Variants in SH3PXD2B observed in about 807,000 individuals in gnomAD.
The protein encoded by SH3PXD2B is SH3 and PX domains 2B.
In SH3PXD2B, 37 loss-of-function variants were observed where a neutral mutation model predicts 73.1. The ratio of observed to expected loss-of-function variants is 0.51; its 90% CI spans 0.39 to 0.67. SH3PXD2B has a LOEUF of 0.67. SH3PXD2B is among the 30% of genes least tolerant of loss of function. The probability of loss-of-function intolerance (pLI) is 0.00; values close to 1 mark genes in which losing one functional copy is unlikely to be tolerated. For missense variants in SH3PXD2B, 1,053 were observed against 1,197.8 expected, an observed-to-expected ratio of 0.88 and a Z score of 1.78; for synonymous variants, 457 against 480.5, an observed-to-expected ratio of 0.95 and a Z score of 0.64.
Position 172,336,763 on chromosome 5 carries a change from G to C in SH3PXD2B, c.*1606C>G. ...GTAGAATGGGAAGGGGTTCTGCTCT[G>C]CTCTCTTACTCTGGGCTGGGAGCTA... On this transcript the variant is annotated 3_prime_UTR_variant, in exon 13 of 13. Transcript: ENST00000311601. The C allele has an allele frequency of 1.0e-6, 1 of 985,672 alleles. No individual in the cohort carries two copies. Among genetic ancestry groups the C allele is most frequent in the Non-Finnish European group, 1.2e-6 (1 of 830,190 alleles). The allele number at this position is 985,672 out of a possible 1,614,324, so 61.1% of individuals were successfully genotyped here.
chr5:172,440,318 G>T (rs1187460504), intron 1 of SH3PXD2B, among the ~76,000 whole-genome samples: 1 of 152,190 alleles, frequency 6.6e-6, no homozygotes, highest in African/African-American at 2.4e-5. Flanking sequence ...CTGGGTTTCT[G>T]CCACTCCACC....
intron 4 of SH3PXD2B, among the ~76,000 whole-genome samples, chr5:172,382,895 AT>A (rs5873322): frequency 2.1e-3 from 307 of 142,982 alleles, no homozygotes; most frequent in Middle Eastern, 3.6e-3. Context: ...TGCCTGGCTA[AT>A]TTTTTTTTTT....
At chr5:172,393,131 A>G (rs1199778394) in intron 4 of SH3PXD2B, among the ~76,000 whole-genome samples, 2 of 152,228 alleles carry the variant, frequency 1.3e-5, no homozygotes, top group African/African-American at 4.8e-5. Flanking sequence ...CAGGGATTGT[A>G]TTGAATATGT....
intron 2 of SH3PXD2B, among the ~76,000 whole-genome samples, chr5:172,419,016 C>T (rs540315045): frequency 6.6e-6 from 1 of 152,308 alleles, no homozygotes; most frequent in East Asian, 1.9e-4. Flanking sequence ...AGCTAACGCG[C>T]TTACTGAGCC....
chr5:172,429,624 T>G (rs1759184771), intron 1 of SH3PXD2B, among the ~76,000 whole-genome samples: 2 of 145,036 alleles, frequency 1.4e-5, no homozygotes, highest in African/African-American at 2.6e-5. Flanking sequence ...GAAGGGAGGG[T>G]GGGAGGAATT....
chr5:172,407,390 C>A (rs1758585157), intron 2 of SH3PXD2B, among the ~76,000 whole-genome samples: 1 of 152,204 alleles, frequency 6.6e-6, no homozygotes, highest in African/African-American at 2.4e-5. Flanking sequence ...ATTGGCCACT[C>A]TCCAGAGCCT....
At chr5:172,351,615 T>C (rs528593445) in intron 9 of SH3PXD2B, among the ~76,000 whole-genome samples, 1 of 152,232 alleles carries the variant, frequency 6.6e-6, no homozygotes, top group Non-Finnish European at 1.5e-5. Flanking sequence ...GCAAACACTG[T>C]AACTCAGAGT....
intron 12 of SH3PXD2B, among the ~76,000 whole-genome samples, chr5:172,327,921 C>A (rs1756476469): frequency 6.6e-6 from 1 of 151,634 alleles, no homozygotes; most frequent in Non-Finnish European, 1.5e-5. Flanking sequence ...TGCCCAGCTA[C>A]TTTTTGTACT....
chr5:172,346,830 CAAAT>C (rs1279728568), intron 11 of SH3PXD2B, among the ~76,000 whole-genome samples: 2 of 151,744 alleles, frequency 1.3e-5, no homozygotes, highest in East Asian at 3.9e-4. Context: ...CCAATGCAAA[CAAAT>C]AAAAAAAACC....
At chr5:172,389,876 C>T (rs903732867) in intron 4 of SH3PXD2B, among the ~76,000 whole-genome samples, 6 of 152,140 alleles carry the variant, frequency 3.9e-5, no homozygotes, top group African/African-American at 1.2e-4. Context: ...CACACTGCCC[C>T]CTTCTGTTCA....
downstream of SH3PXD2B, among the ~76,000 whole-genome samples, chr5:172,333,108 G>T (rs1162384508): frequency 0.011 from 1 of 94 alleles, no homozygotes; most frequent in African/African-American, 0.056. Context: ...GCGAATTTTT[G>T]TATTTTAGTA....
intron 3 of SH3PXD2B, among the ~76,000 whole-genome samples, chr5:172,400,435 A>G (rs1235160528): frequency 6.6e-6 from 1 of 152,192 alleles, no homozygotes; most frequent in African/African-American, 2.4e-5. Flanking sequence ...TCTACTTTGC[A>G]TAGGAGGTTC....
chr5:172,409,246 G>A (rs1321694187), intron 2 of SH3PXD2B, among the ~76,000 whole-genome samples: 1 of 151,950 alleles, frequency 6.6e-6, no homozygotes, highest in Non-Finnish European at 1.5e-5. Flanking sequence ...GCTGGGCGTG[G>A]TGGCGGGCAC....
rs1361251205 is a variant in SH3PXD2B, at chr5:172,347,308, G to A, written c.1037C>T (p.Pro346Leu). The A allele has an allele frequency of 4.3e-6, 7 of 1,614,098 alleles. 1 individual carries two copies. In the South Asian group the frequency reaches 6.6e-5, roughly 15 times the overall value. ...AATGGTCATGTCCCGGCGAGGAGGG[G>A]GTCTCTGCCTCATCTTTGGTGATCC... ...KQRSPKMRQR[P>L]PPRRDMTIPR... Residue 346 changes from proline (P) to leucine (L), a missense_variant, in exon 11 of 13, where the codon CCC becomes CTC. Pro to Leu is a moderately conservative substitution (Grantham distance 98). Around this residue, in one of 2 missense-constraint regions of SH3PXD2B, gnomAD observed 466 missense variants for 607.1 expected, o/e 0.77. Coordinates refer to ENST00000311601, the MANE Select transcript of SH3PXD2B (RefSeq NM_001017995.3).
intron 2 of SH3PXD2B, among the ~76,000 whole-genome samples, chr5:172,410,743 A>G (rs890528700): frequency 1.3e-5 from 2 of 152,286 alleles, no homozygotes; most frequent in Admixed American, 1.3e-4. Flanking sequence ...AATAATAATT[A>G]GTAATCACAA....
chr5:172,369,620 T>C (rs947686251), intron 6 of SH3PXD2B, among the ~76,000 whole-genome samples: 4 of 152,054 alleles, frequency 2.6e-5, no homozygotes, highest in Non-Finnish European at 5.9e-5. Context: ...ATGCAAAAAT[T>C]AGCCAGGCAT....
chr5:172,341,811 C>T (rs1007100792), intron 12 of SH3PXD2B, among the ~76,000 whole-genome samples: 9 of 151,810 alleles, frequency 5.9e-5, no homozygotes, highest in Admixed American at 2.0e-4. Flanking sequence ...CCACCGTGCC[C>T]GGCTAATTTT....
rs1279892453 is a variant in SH3PXD2B at position 172,338,612 on chromosome 5, C to G, written c.2493G>C (p.Lys831Asn). 5.0e-6 allele frequency: 8 copies of G among 1,614,160 alleles called. No individual in the cohort carries two copies. Among genetic ancestry groups the G allele is most frequent in the Non-Finnish European group, 6.8e-6 (8 of 1,179,996 alleles). Residue 831 changes from lysine (K) to asparagine (N), a missense_variant, in exon 13 of 13, where the codon AAG becomes AAC. Lys to Asn is a moderately conservative substitution (Grantham distance 94). Transcript: ENST00000311601. This position sits in a 1 kb window ranked among gnomAD's most constrained non-coding sequence, Gnocchi z 5.1. ...CTGCTTTCTCCCTGTTTTCTCCAAT[C>G]TTGCCGGTCCCCCATGGCCCCAGGC... Reference protein sequence around the residue: ...KGSLGPWGTGKIGENREKAAA... With the variant: ...KGSLGPWGTGNIGENREKAAA...
chr5:172,394,354 A>G (rs1758248727), intron 4 of SH3PXD2B, among the ~76,000 whole-genome samples: 1 of 152,232 alleles, frequency 6.6e-6, no homozygotes, highest in Admixed American at 6.5e-5. Flanking sequence ...AGAAATGCAC[A>G]TAAAGAAAAG....
Sources: gnomAD v4.1 joint callset for allele counts (sites outside exome capture counted in the v4.1 genomes callset) on GRCh38, gnomAD v4.1.1 for gene constraint, gnomAD v4.1.1 regional missense constraint, Gnocchi (gnomAD v3.1) non-coding constraint, MANE v1.5 for transcripts, NCBI Gene and HGNC (gene_info 2026-07-23, HGNC 2026-07-21) for gene names.